Variants in DLGAP1 observed in about 807,000 individuals in gnomAD.
DLGAP1 encodes DLG associated protein 1.
DLGAP1 carries 11 observed loss-of-function variants against 90.8 expected under a neutral mutation model. That is an observed-to-expected ratio of 0.12 (90% CI 0.08 to 0.20). The LOEUF (loss-of-function observed/expected upper bound fraction) is 0.20. Ranked by LOEUF, DLGAP1 falls within the 10% of genes least tolerant of loss-of-function variation. The pLI is 1.00. For missense variants in DLGAP1, 1,050 were observed against 1,333.8 expected (o/e 0.79, Z 3.31); for synonymous variants, 558 against 540.7 (o/e 1.03, Z -0.44).
At chr18:4,420,205 AAAAC>A (rs1444411772) in intron 1 of DLGAP1, among the ~76,000 whole-genome samples, 1 of 152,244 alleles carries the variant, frequency 6.6e-6, no homozygotes, top group Non-Finnish European at 1.5e-5. Flanking sequence ...GATAAAAATG[AAAAC>A]AAACAAATCT....
At chr18:4,097,825 T>C (rs956854552) in intron 2 of DLGAP1, among the ~76,000 whole-genome samples, 2 of 152,228 alleles carry the variant, frequency 1.3e-5, no homozygotes, top group Non-Finnish European at 2.9e-5. Flanking sequence ...TCAACAAATA[T>C]AGTGGGATAT....
chr18:3,834,266 A>G (rs1394825041), intron 4 of DLGAP1, among the ~76,000 whole-genome samples: 1 of 142,780 alleles, frequency 7.0e-6, no homozygotes, highest in Non-Finnish European at 1.5e-5. Context: ...AGATCGCGCC[A>G]CTGCACTCCA....
At chr18:4,056,259 T>A (rs187673942) in intron 2 of DLGAP1, among the ~76,000 whole-genome samples, 3 of 151,990 alleles carry the variant, frequency 2.0e-5, no homozygotes, top group African/African-American at 7.3e-5. Flanking sequence ...CTAAGAAAGG[T>A]TTGGGCAGGC....
intron 9 of DLGAP1, among the ~76,000 whole-genome samples, chr18:3,553,706 G>C (rs375902217): frequency 6.8e-6 from 1 of 146,118 alleles, no homozygotes; most frequent in Non-Finnish European, 1.5e-5. Flanking sequence ...GCTAATTTTT[G>C]TATTTTTAGT....
chr18:3,826,151 T>G (rs2067700097), intron 4 of DLGAP1, among the ~76,000 whole-genome samples: 1 of 152,088 alleles, frequency 6.6e-6, no homozygotes. Flanking sequence ...GGGCAAGGGT[T>G]GAAAAACTAT....
chr18:3,705,546 T>C (rs759876367), intron 7 of DLGAP1, among the ~76,000 whole-genome samples: 1 of 151,798 alleles, frequency 6.6e-6, no homozygotes, highest in Admixed American at 6.6e-5. Flanking sequence ...CCAAGGAGCA[T>C]TAAAATATTG....
chr18:4,215,309 C>T (rs1433652669), intron 1 of DLGAP1, among the ~76,000 whole-genome samples: 4 of 152,094 alleles, frequency 2.6e-5, no homozygotes, highest in Non-Finnish European at 2.9e-5. Flanking sequence ...TGACAAAATG[C>T]TATTTTATGC....
At chr18:4,283,563 A>C (rs1464822731) in intron 1 of DLGAP1, among the ~76,000 whole-genome samples, 1 of 152,178 alleles carries the variant, frequency 6.6e-6, no homozygotes, top group African/African-American at 2.4e-5. Flanking sequence ...TTCACTCCAC[A>C]CACCCTTTTC....
intron 2 of DLGAP1, among the ~76,000 whole-genome samples, chr18:4,030,120 A>G (rs2074771644): frequency 1.3e-5 from 2 of 152,066 alleles, no homozygotes; most frequent in South Asian, 2.1e-4. Context: ...AGCCTCCCAA[A>G]TAGCTGATCT....
At chr18:3,970,675 T>A (rs970380744) in intron 3 of DLGAP1, among the ~76,000 whole-genome samples, 3 of 152,170 alleles carry the variant, frequency 2.0e-5, no homozygotes, top group African/African-American at 7.2e-5. Context: ...TCACTCTTAG[T>A]TTTTAATCAA....
At position 4,342,332 on chromosome 18, in the gene DLGAP1, T is replaced by C. The variant is rs1267272857; in HGVS notation, c.-267+112674A>G. Among the ~76,000 whole-genome samples, 1 of 152,160 alleles carries C rather than the reference T, an allele frequency of 6.6e-6. No individual in the cohort carries two copies. Among genetic ancestry groups the C allele is most frequent in the African/African-American group, 2.4e-5 (1 of 41,428 alleles). On this transcript the variant is annotated intron_variant, in intron 1 of 12. Transcript: ENST00000315677. This position sits in a 1 kb window ranked among gnomAD's most constrained non-coding sequence, Gnocchi z 5.8. ...ACTTGTATTTTTGAACTATAAAATATTATACTTATGAATATAAATAGAATA... is the reference window on the plus strand; with the variant it reads ...ACTTGTATTTTTGAACTATAAAATACTATACTTATGAATATAAATAGAATA...
chr18:3,984,886 A>G (rs78083186), intron 3 of DLGAP1, among the ~76,000 whole-genome samples: 5,562 of 151,768 alleles, frequency 0.037, 274 homozygotes, highest in African/African-American at 0.12. Context: ...TTCCTGACCA[A>G]TCTTCACCAT....
chr18:4,394,013 G>C (rs768738016), intron 1 of DLGAP1, among the ~76,000 whole-genome samples: 8 of 152,142 alleles, frequency 5.3e-5, no homozygotes, highest in Non-Finnish European at 1.2e-4. Flanking sequence ...CCAGGGACTG[G>C]TACTGTCCAT....
At chr18:4,415,655 C>T (rs2082883531) in intron 1 of DLGAP1, among the ~76,000 whole-genome samples, 1 of 152,114 alleles carries the variant, frequency 6.6e-6, no homozygotes, top group South Asian at 2.1e-4. Flanking sequence ...ATAGGTTTTG[C>T]ACTTCAGCTG....
chr18:3,741,176 C>CCACCACAT (rs1182635220), intron 6 of DLGAP1, among the ~76,000 whole-genome samples: 37 of 75,074 alleles, frequency 4.9e-4, no homozygotes, highest in African/African-American at 2.2e-3. Context: ...CACCACATCA[C>CCACCACAT]CACCACCACC....
At chr18:3,933,925 A>G (rs993499199) in intron 3 of DLGAP1, among the ~76,000 whole-genome samples, 5 of 152,148 alleles carry the variant, frequency 3.3e-5, no homozygotes, top group Non-Finnish European at 5.9e-5. Flanking sequence ...CTATAGTCAT[A>G]CTGTCAAAGG....
intron 1 of DLGAP1, among the ~76,000 whole-genome samples, chr18:4,341,447 A>T (rs1028570910): frequency 6.6e-6 from 1 of 152,158 alleles, no homozygotes; most frequent in African/African-American, 2.4e-5. Context: ...GATCTAATGA[A>T]AGGACATAAT....
At chr18:3,979,449 A>G (rs1178069074) in intron 3 of DLGAP1, among the ~76,000 whole-genome samples, 2 of 3,186 alleles carry the variant, frequency 6.3e-4, no homozygotes, top group East Asian at 0.019. Context: ...CTCAGAATGT[A>G]CTCCCATGAT....
chr18:4,175,970 A>C (rs1306366108), intron 1 of DLGAP1, among the ~76,000 whole-genome samples: 3 of 152,182 alleles, frequency 2.0e-5, no homozygotes, highest in Non-Finnish European at 4.4e-5. Context: ...GAAGAAAGTC[A>C]GTGGTAGGTT....
Sources: allele counts gnomAD v4.1 joint callset (sites outside exome capture counted in the v4.1 genomes callset), GRCh38; gene constraint gnomAD v4.1.1; non-coding constraint Gnocchi (gnomAD v3.1); transcripts MANE v1.5; gene names NCBI Gene and HGNC (gene_info 2026-07-23, HGNC 2026-07-21).